NXPH1: variants seen among roughly 807,000 people sequenced by gnomAD.
The protein encoded by NXPH1 is neurexophilin 1, also known as neurexophilin-1.
In NXPH1, 5 loss-of-function variants were observed where a neutral mutation model predicts 23.7. That is an observed-to-expected ratio of 0.21 (90% confidence interval 0.11 to 0.44). NXPH1 has a LOEUF of 0.44. NXPH1 is among the 20% of genes least tolerant of loss of function. The pLI, the probability that NXPH1 is intolerant of heterozygous loss-of-function variation, is 0.99. For synonymous variants in NXPH1, 144 were observed against 122.2 expected, an observed-to-expected ratio of 1.18 and a Z score of -1.18; for missense variants, 324 against 321.6, an observed-to-expected ratio of 1.01 and a Z score of -0.06.
intron 2 of NXPH1, among the ~76,000 whole-genome samples, chr7:8,534,558 T>C (rs1250375138): frequency 6.6e-6 from 1 of 152,268 alleles, no homozygotes; most frequent in Non-Finnish European, 1.5e-5. Flanking sequence ...TATAAAAGCA[T>C]AGTATGTAAA....
At chr7:8,740,846 C>A (rs1027152316) in intron 2 of NXPH1, among the ~76,000 whole-genome samples, 7 of 152,054 alleles carry the variant, frequency 4.6e-5, no homozygotes, top group Admixed American at 2.0e-4. Context: ...ATGATTACCA[C>A]AACCAAGCTA....
intron 2 of NXPH1, among the ~76,000 whole-genome samples, chr7:8,492,485 G>C (rs1817264240): frequency 6.6e-6 from 1 of 152,010 alleles, no homozygotes; most frequent in Non-Finnish European, 1.5e-5. Context: ...GAGTAAATAA[G>C]ATATTTATTT....
chr7:8,474,884 C>G (rs77269180), intron 2 of NXPH1, among the ~76,000 whole-genome samples: 1 of 152,102 alleles, frequency 6.6e-6, no homozygotes, highest in African/African-American at 2.4e-5. Flanking sequence ...CATGAAGCTG[C>G]GGCCATGCTG....
chr7:8,486,325 G>A (rs1333763984), intron 2 of NXPH1, among the ~76,000 whole-genome samples: 1 of 152,112 alleles, frequency 6.6e-6, no homozygotes, highest in African/African-American at 2.4e-5. Flanking sequence ...GATAAAGCTA[G>A]GAAGCAAGGC....
At chr7:8,717,876 G>A (rs917194255) in intron 2 of NXPH1, among the ~76,000 whole-genome samples, 11 of 133,582 alleles carry the variant, frequency 8.2e-5, no homozygotes, top group Admixed American at 2.4e-4. Flanking sequence ...TCATGTGGGT[G>A]TATTCTTCTC....
chr7:8,594,498 CTA>C (rs979055814), intron 2 of NXPH1, among the ~76,000 whole-genome samples: 3 of 152,016 alleles, frequency 2.0e-5, no homozygotes, highest in Non-Finnish European at 4.4e-5. Flanking sequence ...GATGCATAGT[CTA>C]TGTGCCTATA....
chr7:8,473,975 G>T (rs187909770), intron 2 of NXPH1, among the ~76,000 whole-genome samples: 1 of 152,144 alleles, frequency 6.6e-6, no homozygotes, highest in African/African-American at 2.4e-5. Flanking sequence ...GGAGCTTGAT[G>T]AATAGCTGGA....
At position 8,751,298 on chromosome 7, in the gene NXPH1, T is replaced by G. The variant is rs1307101842; in HGVS notation, c.345T>G (p.Phe115Leu). Residue 115 changes from phenylalanine (F) to leucine (L), a missense_variant, in exon 3 of 3, where the codon TTT becomes TTG. Coordinates refer to ENST00000405863, the MANE Select transcript of NXPH1 (RefSeq NM_152745.3). The surrounding 1 kb of genome is among the most constrained non-coding windows in gnomAD (Gnocchi z 4.5). Reference protein sequence around the residue: ...KRRPIVKTGKFKKMFGWGDFH... With the variant: ...KRRPIVKTGKLKKMFGWGDFH... ...GGCCCATTGTTAAAACGGGCAAGTTTAAGAAAATGTTTGGATGGGGCGATT... is the reference window on the plus strand; with the variant it reads ...GGCCCATTGTTAAAACGGGCAAGTTGAAGAAAATGTTTGGATGGGGCGATT... 3 of 1,613,792 alleles carry G rather than the reference T, an allele frequency of 1.9e-6. No homozygotes were observed. The highest frequency in any genetic ancestry group is 2.5e-6 in the Non-Finnish European group (3 of 1,179,858).
At chr7:8,537,675 A>T (rs1818049533) in intron 2 of NXPH1, among the ~76,000 whole-genome samples, 1 of 151,920 alleles carries the variant, frequency 6.6e-6, no homozygotes, top group Non-Finnish European at 1.5e-5. Flanking sequence ...CTAAACTGGG[A>T]ATTATCACAT....
chr7:8,478,682 A>G (rs999481851), intron 2 of NXPH1, among the ~76,000 whole-genome samples: 5 of 152,086 alleles, frequency 3.3e-5, no homozygotes, highest in Non-Finnish European at 7.4e-5. Flanking sequence ...CAGAACAACA[A>G]ATGCCAAGAC....
In NXPH1 at chr7:8,480,679, C is replaced by A. The variant is rs138843949; in HGVS notation, c.54+44912C>A. On this transcript the variant is annotated intron_variant, in intron 2 of 2. Transcript: ENST00000405863. Reference sequence around the variant, plus strand: ...AAAATGACTGCAACAGCTGTACTTTCCAGAACCTAGAGTTGATCTTTATTT... The same window carrying A: ...AAAATGACTGCAACAGCTGTACTTTACAGAACCTAGAGTTGATCTTTATTT... Among the ~76,000 whole-genome samples the A allele has an allele frequency of 5.9e-5, 9 of 152,256 alleles. No individual in the cohort carries two copies. The East Asian group carries it at 1.7e-3, about 30-fold the overall frequency.
intron 2 of NXPH1, among the ~76,000 whole-genome samples, chr7:8,700,569 C>T (rs1442970293): frequency 6.6e-6 from 1 of 152,114 alleles, no homozygotes; most frequent in African/African-American, 2.4e-5. Flanking sequence ...TTGCTTTACC[C>T]TCAATTAAAA....
At chr7:8,573,181 G>A (rs1470524701) in intron 2 of NXPH1, among the ~76,000 whole-genome samples, 1 of 149,790 alleles carries the variant, frequency 6.7e-6, no homozygotes, top group Non-Finnish European at 1.5e-5. Context: ...ATTTCTCCTT[G>A]TCATTAAAAA....
chr7:8,587,600 A>T (rs1464959301), intron 2 of NXPH1, among the ~76,000 whole-genome samples: 1 of 152,152 alleles, frequency 6.6e-6, no homozygotes, highest in Non-Finnish European at 1.5e-5. Context: ...TCCGTCATCT[A>T]CATTGGGTAT....
At chr7:8,653,068 A>G (rs1156383383) in intron 2 of NXPH1, among the ~76,000 whole-genome samples, 3 of 151,706 alleles carry the variant, frequency 2.0e-5, no homozygotes, top group Non-Finnish European at 4.4e-5. Context: ...AGTTTTCACA[A>G]ATCTATGAAG....
intron 2 of NXPH1, among the ~76,000 whole-genome samples, chr7:8,601,499 C>T (rs909486696): frequency 7.9e-5 from 12 of 152,178 alleles, no homozygotes; most frequent in African/African-American, 2.9e-4. Flanking sequence ...GAAAAGTTCT[C>T]AGTCCCTTCA....
chr7:8,488,683 G>C lies in NXPH1; in HGVS notation c.54+52916G>C, dbSNP rs191315298. ...CCTTCATATAGGAATTTCTGACCTA[G>C]ATCAATCACCTATAGCTGTGGAACC... On this transcript the variant is annotated intron_variant, in intron 2 of 2. Transcript: ENST00000405863. Among the ~76,000 whole-genome samples, 376 of 152,204 alleles carry C rather than the reference G, an allele frequency of 2.5e-3. 1 individual carries two copies. Among genetic ancestry groups the C allele is most frequent in the Non-Finnish European group, 3.8e-3 (257 of 67,998 alleles).
chr7:8,576,100 G>T (rs1818749550), intron 2 of NXPH1, among the ~76,000 whole-genome samples: 1 of 152,094 alleles, frequency 6.6e-6, no homozygotes. Context: ...AACAACACAA[G>T]AACTGATGAA....
At chr7:8,587,751 C>T (rs1819008761) in intron 2 of NXPH1, among the ~76,000 whole-genome samples, 2 of 152,032 alleles carry the variant, frequency 1.3e-5, no homozygotes, top group Admixed American at 6.6e-5. Context: ...ATTTCTGTTC[C>T]TGTGTTAATT....
Sources: allele counts gnomAD v4.1 joint callset (sites outside exome capture counted in the v4.1 genomes callset), GRCh38; gene constraint gnomAD v4.1.1; non-coding constraint Gnocchi (gnomAD v3.1); transcripts MANE v1.5; gene names NCBI Gene and HGNC (gene_info 2026-07-23, HGNC 2026-07-21).